TMEM87B: variants seen among roughly 807,000 people sequenced by gnomAD.
The protein encoded by TMEM87B is transmembrane protein 87B.
Under a neutral mutation model 80.3 loss-of-function variants are expected in TMEM87B, and 83 were observed. That is an observed-to-expected ratio of 1.03 (90% CI 0.87 to 1.24). The LOEUF (loss-of-function observed/expected upper bound fraction) is 1.24, where lower values mean the gene tolerates loss of function less well. Ranked by LOEUF, TMEM87B falls within the 50% of genes most tolerant of loss-of-function variation. The pLI, the probability that TMEM87B is intolerant of heterozygous loss-of-function variation, is 0.00. For synonymous variants in TMEM87B, 219 were observed against 230.5 expected, an observed-to-expected ratio of 0.95 and a Z score of 0.45; for missense variants, 625 against 674.4, an observed-to-expected ratio of 0.93 and a Z score of 0.81.
intron 5 of TMEM87B, among the ~76,000 whole-genome samples, chr2:112,076,290 A>G (rs1224675166): frequency 6.6e-6 from 1 of 152,226 alleles, no homozygotes; most frequent in Non-Finnish European, 1.5e-5. Flanking sequence ...CATTTAAATA[A>G]AACAAAATGT....
chr2:112,095,374 C>G (rs1053481769), intron 11 of TMEM87B: 1 of 984,334 alleles, frequency 1.0e-6, no homozygotes, highest in African/African-American at 1.8e-5. Context: ...GACTACTTTC[C>G]TTCCATGGCA....
intron 11 of TMEM87B, among the ~76,000 whole-genome samples, chr2:112,094,044 T>A (rs1313779715): frequency 6.6e-6 from 1 of 152,240 alleles, no homozygotes; most frequent in Non-Finnish European, 1.5e-5. Context: ...CTTGGAACTT[T>A]AACAAGTTAG....
chr2:112,100,692 T>G lies in TMEM87B; in HGVS notation c.1447T>G (p.Leu483Val). 1.9e-6 allele frequency: 3 copies of G among 1,590,144 alleles called. No homozygotes were observed. Among genetic ancestry groups the G allele is most frequent in the Non-Finnish European group, 2.6e-6 (3 of 1,159,538 alleles). ...GGAATTCATGGTAACTTCTGAAAAT[T>G]TAAGTGAGTAATATGTTTTCTTTTT... Reference protein sequence around the residue: ...IEEFMVTSENLTEGIKLRASK... With the variant: ...IEEFMVTSENVTEGIKLRASK... The change falls in exon 15 of 19, where the codon TTA (leucine) becomes GTA (valine). Residue 483 changes from leucine to valine, a missense_variant. By Grantham distance (32) the Leu-to-Val change is conservative. Coordinates refer to ENST00000283206, the MANE Select transcript of TMEM87B (RefSeq NM_032824.3).
rs960819799 is a variant in TMEM87B at position 112,055,389 on chromosome 2, G to C, written c.-203G>C. On this transcript the variant is annotated 5_prime_UTR_variant, in exon 1 of 19. Transcript: ENST00000283206. ...GCTGCACGCTCGGGCCCGGCTCAGA[G>C]CCCTAAGCCCTGCCTCCCGGTCCTG... 2 of 570,078 alleles carry C rather than the reference G, an allele frequency of 3.5e-6. No homozygotes were observed. The highest frequency in any genetic ancestry group is 5.9e-6 in the Non-Finnish European group (2 of 341,330). The allele number at this position is 570,078 out of a possible 1,614,324, so 35.3% of individuals were successfully genotyped here. A position where few individuals can be genotyped will look rare whatever the true frequency, so the allele number is the denominator to read the frequency against.
chr2:112,091,847 TG>T, intron 11 of TMEM87B, 64 bp downstream of exon 11: 1 of 1,246,890 alleles, frequency 8.0e-7, no homozygotes, highest in African/African-American at 1.5e-5. Flanking sequence ...ACATGTAATT[TG>T]TAATAACAAT....
chr2:112,091,609 A>G, intron 10 of TMEM87B, 103 bp from the exon 11 acceptor site: 2 of 785,860 alleles, frequency 2.5e-6, no homozygotes, highest in Non-Finnish European at 4.1e-6. Flanking sequence ...TGGCTTTGTA[A>G]AGTAATGAGA....
At chr2:112,070,532 A>G (rs781421750) in intron 4 of TMEM87B, among the ~76,000 whole-genome samples, 5 of 152,094 alleles carry the variant, frequency 3.3e-5, no homozygotes, top group Non-Finnish European at 5.9e-5. Context: ...CCACTGGTCT[A>G]TGTGTCTGTT....
chr2:112,069,063 G>C (rs1281168483), intron 4 of TMEM87B, among the ~76,000 whole-genome samples: 7 of 151,378 alleles, frequency 4.6e-5, no homozygotes, highest in Non-Finnish European at 1.5e-5. Flanking sequence ...GCGGTGGCGG[G>C]CGCCTGTAGT....
intron 5 of TMEM87B, among the ~76,000 whole-genome samples, chr2:112,075,828 CTT>C (rs2104469524): frequency 6.6e-6 from 1 of 152,230 alleles, no homozygotes; most frequent in South Asian, 2.1e-4. Context: ...CCAGGACAAA[CTT>C]TGTACAAAAT....
intron 5 of TMEM87B, among the ~76,000 whole-genome samples, chr2:112,075,848 A>G (rs1361770927): frequency 5.3e-5 from 8 of 152,240 alleles, no homozygotes; most frequent in Admixed American, 5.2e-4. Flanking sequence ...AATCTGTCAT[A>G]TGATGAGGAG....
chr2:112,086,767 G>A (rs1205517502), intron 9 of TMEM87B, among the ~76,000 whole-genome samples: 6 of 152,044 alleles, frequency 3.9e-5, no homozygotes, highest in African/African-American at 9.7e-5. Flanking sequence ...CACAGGTGTC[G>A]TCCTCAGCAT....
chr2:112,087,613 G>A (rs926202037), intron 9 of TMEM87B, among the ~76,000 whole-genome samples: 1 of 152,056 alleles, frequency 6.6e-6, no homozygotes, highest in Non-Finnish European at 1.5e-5. Context: ...CCTAGTGCTC[G>A]GTTTTGTTTT....
At chr2:112,071,072 G>A (rs940330746) in intron 4 of TMEM87B, among the ~76,000 whole-genome samples, 21 of 151,706 alleles carry the variant, frequency 1.4e-4, no homozygotes, top group African/African-American at 3.9e-4. Context: ...TGATCCACCC[G>A]CCTCGGCCTC....
At chr2:112,080,425 A>G (rs1185611690) in intron 6 of TMEM87B, among the ~76,000 whole-genome samples, 1 of 149,296 alleles carries the variant, frequency 6.7e-6, no homozygotes, top group African/African-American at 2.5e-5. Context: ...ACGCCCGGCT[A>G]ATTTTTTGTA....
chr2:112,056,891 T>C (rs1237343994), intron 1 of TMEM87B, among the ~76,000 whole-genome samples: 1 of 152,192 alleles, frequency 6.6e-6, no homozygotes, highest in Non-Finnish European at 1.5e-5. Context: ...AAAGTAGAAC[T>C]CAGTGAACTA....
At chr2:112,087,674 C>T (rs1474404320) in intron 9 of TMEM87B, among the ~76,000 whole-genome samples, 4 of 152,140 alleles carry the variant, frequency 2.6e-5, no homozygotes, top group Non-Finnish European at 5.9e-5. Flanking sequence ...ATCAGCATCT[C>T]GTTATTTCTA....
At chr2:112,059,562 C>G (rs539640960) in intron 1 of TMEM87B, among the ~76,000 whole-genome samples, 1 of 152,142 alleles carries the variant, frequency 6.6e-6, no homozygotes, top group African/African-American at 2.4e-5. Flanking sequence ...GTAAGAATTT[C>G]GGTCTGTTGT....
chr2:112,107,975 G>A, intron 17 of TMEM87B, 135 bp downstream of exon 17: 1 of 449,136 alleles, frequency 2.2e-6, no homozygotes, highest in Non-Finnish European at 4.0e-6. Context: ...ACCAGTACAT[G>A]GCCCTTACAG....
chr2:112,055,384 T>C lies in TMEM87B; in HGVS notation c.-208T>C, dbSNP rs893927383. On this transcript the variant is annotated 5_prime_UTR_variant, in exon 1 of 19. Coordinates refer to ENST00000283206, the MANE Select transcript of TMEM87B (RefSeq NM_032824.3). ...TCCCAGCTGCACGCTCGGGCCCGGC[T>C]CAGAGCCCTAAGCCCTGCCTCCCGG... The C allele has an allele frequency of 1.4e-5, 8 of 556,946 alleles. No individual in the cohort carries two copies. The highest frequency in any genetic ancestry group is 4.7e-4 in the Middle Eastern group (1 of 2,150). The allele number at this position is 556,946 out of a possible 1,614,324, so 34.5% of individuals were successfully genotyped here.
Sources: gnomAD v4.1 joint callset for allele counts (sites outside exome capture counted in the v4.1 genomes callset) on GRCh38, gnomAD v4.1.1 for gene constraint, MANE v1.5 for transcripts, NCBI Gene and HGNC (gene_info 2026-07-23, HGNC 2026-07-21) for gene names.